AFDN: variants seen among roughly 807,000 people sequenced by gnomAD.
The protein encoded by AFDN is afadin.
In AFDN, 68 loss-of-function variants were observed where a neutral mutation model predicts 216.6. The observed-to-expected ratio is 0.31, with a 90% CI of 0.26 to 0.38. The LOEUF (loss-of-function observed/expected upper bound fraction) is 0.38, where lower values mean the gene tolerates loss of function less well. Among genes scored for constraint, AFDN ranks in the 10% least tolerant of loss-of-function variants. The pLI is 1.00. For synonymous variants in AFDN, 868 were observed against 853.7 expected (o/e 1.02, Z -0.29); for missense variants, 2,136 against 2,342.0 (o/e 0.91, Z 1.82).
At chr6:167,914,032 C>T (rs1790738548) in intron 16 of AFDN, 136 bp from the exon 17 acceptor site, 1 of 864,610 alleles carries the variant, frequency 1.2e-6, no homozygotes, top group Non-Finnish European at 1.7e-6. Flanking sequence ...TTGCAAATAT[C>T]TGGTATCTGT....
rs1784673736 is a variant in AFDN, at chr6:167,870,507, C to T, written c.414+9C>T. 1 of 1,557,848 alleles carries T rather than the reference C, an allele frequency of 6.4e-7. No homozygotes were observed. Among genetic ancestry groups the T allele is most frequent in the African/African-American group, 1.4e-5 (1 of 73,448 alleles). On this transcript the variant is annotated intron_variant, in intron 3 of 33. Transcript: ENST00000683244. ...ACGCCATTCCTCCTAAGGTAGGAAC[C>T]CTCAGTATTTTATGACGGTCTTGGT...
intron 1 of AFDN, among the ~76,000 whole-genome samples, chr6:167,849,451 T>C (rs1342094946): frequency 1.7e-5 from 1 of 58,556 alleles, no homozygotes; most frequent in Non-Finnish European, 4.3e-5. Flanking sequence ...TTCAAAAGTA[T>C]CCTTATATGA....
chr6:167,908,376 G>T (rs1394004332), intron 13 of AFDN, among the ~76,000 whole-genome samples: 4 of 152,090 alleles, frequency 2.6e-5, no homozygotes, highest in African/African-American at 9.7e-5. Context: ...GTGGATTTTT[G>T]GTTCTAATGC....
chr6:167,832,188 G>A (rs1779904830), intron 1 of AFDN, among the ~76,000 whole-genome samples: 1 of 152,192 alleles, frequency 6.6e-6, no homozygotes, highest in Non-Finnish European at 1.5e-5. Context: ...TGGATACTGA[G>A]CAGTGTGCCA....
At chr6:167,934,068 T>G (rs1420280219) in intron 23 of AFDN, among the ~76,000 whole-genome samples, 1 of 152,204 alleles carries the variant, frequency 6.6e-6, no homozygotes, top group Non-Finnish European at 1.5e-5. Flanking sequence ...TTTGCGAGGC[T>G]AAGGAGAGTT....
At chr6:167,859,804 T>A (rs1304835049) in intron 1 of AFDN, among the ~76,000 whole-genome samples, 1 of 151,686 alleles carries the variant, frequency 6.6e-6, no homozygotes, top group Non-Finnish European at 1.5e-5. Context: ...TAGTTTTGGA[T>A]CATTGTATTC....
chr6:167,912,269 TTAAAAG>T (rs1790495715), intron 15 of AFDN: 1 of 152,254 alleles, frequency 6.6e-6, no homozygotes, highest in Non-Finnish European at 1.5e-5. Flanking sequence ...TTTAAAGTTC[TTAAAAG>T]TAAATGTACA....
At chr6:167,916,578 A>G (rs748280327) in intron 19 of AFDN, among the ~76,000 whole-genome samples, 7 of 152,242 alleles carry the variant, frequency 4.6e-5, no homozygotes, top group Non-Finnish European at 7.3e-5. Context: ...AATTTTTTAG[A>G]TATGAAAAAC....
intron 23 of AFDN, chr6:167,932,538 C>T (rs903404440): frequency 3.3e-5 from 5 of 152,166 alleles, no homozygotes; most frequent in South Asian, 2.1e-4. Flanking sequence ...GGACTGGTTA[C>T]GTAAGAGCCT....
chr6:167,948,423 A>G lies in AFDN; in HGVS notation c.3776A>G (p.Tyr1259Cys). Residue 1259 changes from tyrosine to cysteine, a missense_variant, in exon 29 of 34, where the codon TAT becomes TGT. Coordinates refer to ENST00000683244, the MANE Select transcript of AFDN (RefSeq NM_001386888.1). ...MAPPQNQWPN[Y>C]EEKPHMHTDS... ...CCTCCTCAGAACCAGTGGCCAAATT[A>G]TGAGGAAAAGCCACATATGCACACA... The G allele has an allele frequency of 6.2e-7, 1 of 1,614,216 alleles. No individual in the cohort carries two copies. The highest frequency in any genetic ancestry group is 2.2e-5 in the East Asian group (1 of 44,882).
At chr6:167,827,545 C>G (rs1779281988) in intron 1 of AFDN, 1 of 145,304 alleles carries the variant, frequency 6.9e-6, no homozygotes, top group South Asian at 2.1e-4. Context: ...CCCCCACCCC[C>G]GCGAGCGCGG....
intron 1 of AFDN, among the ~76,000 whole-genome samples, chr6:167,847,872 T>A (rs1781875877): frequency 6.6e-6 from 1 of 152,188 alleles, no homozygotes; most frequent in Non-Finnish European, 1.5e-5. Context: ...AATTTTTTTT[T>A]AATCACTCAG....
At chr6:167,912,695 C>T (rs1010367625) in intron 15 of AFDN, among the ~76,000 whole-genome samples, 6 of 152,120 alleles carry the variant, frequency 3.9e-5, no homozygotes, top group African/African-American at 1.4e-4. Flanking sequence ...AGTTGTGAGA[C>T]ACCTATCATA....
Position 167,827,372 on chromosome 6 carries a change from C to T in AFDN, c.105+135C>T, listed in dbSNP as rs1205444865. The T allele has an allele frequency of 3.1e-3, 457 of 148,734 alleles. 4 individuals are homozygous for T. Among genetic ancestry groups the T allele is most frequent in the African/African-American group, 0.011 (432 of 38,128 alleles). 9.2% of individuals were successfully genotyped at this position (148,734 alleles called of 1,614,324 possible). On this transcript the variant is annotated intron_variant, in intron 1 of 33. Coordinates refer to ENST00000683244, the MANE Select transcript of AFDN (RefSeq NM_001386888.1). ...CCCCCCTCCGCCCCTTCTCTCCCCT[C>T]CCCCTCCCCCAGGCCCACCGCGGGC...
chr6:167,913,577 T>A, intron 16 of AFDN, 154 bp downstream of exon 16: 1 of 630,798 alleles, frequency 1.6e-6, no homozygotes, highest in Non-Finnish European at 2.7e-6. Flanking sequence ...CCTTTTTGAC[T>A]GTGCAACCTT....
In AFDN at chr6:167,826,996, C is replaced by G. The variant is rs1282290620; in HGVS notation, c.-137C>G. ...GCCAAGTCGGAGGACGCGGCGCGGC[C>G]GCGGAGGCGGAGGCAGCCGCGGAGG... is the stretch of plus-strand genomic sequence containing the variant. On this transcript the variant is annotated 5_prime_UTR_variant, in exon 1 of 34. Transcript: ENST00000683244. 1 of 188,304 alleles carries G rather than the reference C, an allele frequency of 5.3e-6. No homozygotes were observed. The highest frequency in any genetic ancestry group is 2.5e-5 in the African/African-American group (1 of 39,918). The allele number at this position is 188,304 out of a possible 1,614,324, so 11.7% of individuals were successfully genotyped here. A position where few individuals can be genotyped will look rare whatever the true frequency, so the allele number is the denominator to read the frequency against.
chr6:167,967,642 T>C (rs936999906), intron 32 of AFDN, among the ~76,000 whole-genome samples: 5 of 152,186 alleles, frequency 3.3e-5, no homozygotes, highest in Non-Finnish European at 7.3e-5. Context: ...CTACTCACCA[T>C]CTTGGCTCTC....
chr6:167,914,197 C>T lies in AFDN; in HGVS notation c.2088C>T (p.Ala696=), dbSNP rs1215564987. The change falls in exon 17 of 34, where the codon GCC becomes GCT. Residue 696 remains alanine (A), a synonymous_variant. Transcript: ENST00000683244. ...AGAAGAATATTGCAGGGGCACTTGCCTTCTGGATGGCAAATGCATCTGAAC... is the reference window on the plus strand; with the variant it reads ...AGAAGAATATTGCAGGGGCACTTGCTTTCTGGATGGCAAATGCATCTGAAC... ...QKQKNIAGAL[A]FWMANASELL... is the part of the protein sequence containing the mutation. The T allele has an allele frequency of 2.5e-6, 4 of 1,614,102 alleles. No individual in the cohort carries two copies. The Admixed American group carries it at 6.7e-5, about 27-fold the overall frequency.
At chr6:167,880,782 A>C (rs1177141937) in intron 6 of AFDN, among the ~76,000 whole-genome samples, 2 of 152,164 alleles carry the variant, frequency 1.3e-5, no homozygotes, top group East Asian at 3.9e-4. Context: ...GACCACATAT[A>C]CTTGTGGTTC....
Sources: gnomAD v4.1 joint callset for allele counts (sites outside exome capture counted in the v4.1 genomes callset) on GRCh38, gnomAD v4.1.1 for gene constraint, MANE v1.5 for transcripts, NCBI Gene and HGNC (gene_info 2026-07-23, HGNC 2026-07-21) for gene names.